The following SLC12A6 variants were observed in gnomAD, a reference collection of about 807,000 sequenced individuals.
SLC12A6 encodes the protein solute carrier family 12 member 6, also known as K-Cl cotransporter 3.
SLC12A6 carries 66 observed loss-of-function variants against 135.3 expected under a neutral mutation model. The ratio of observed to expected loss-of-function variants is 0.49; its 90% CI spans 0.40 to 0.60. The LOEUF (loss-of-function observed/expected upper bound fraction) is 0.60. Among genes scored for constraint, SLC12A6 ranks in the 20% least tolerant of loss-of-function variants. SLC12A6 has a pLI of 0.00. For missense variants in SLC12A6, 1,058 were observed against 1,452.3 expected (o/e 0.73, Z 4.41); for synonymous variants, 513 against 508.8 (o/e 1.01, Z -0.11).
chr15:34,302,894 G>A (rs1896353420), intron 2 of SLC12A6, among the ~76,000 whole-genome samples: 1 of 145,200 alleles, frequency 6.9e-6, no homozygotes. Context: ...AGGCTGCAAT[G>A]AGCCATAATC....
chr15:34,302,808 G>A (rs1181672165), intron 2 of SLC12A6, among the ~76,000 whole-genome samples: 1 of 151,752 alleles, frequency 6.6e-6, no homozygotes, highest in Admixed American at 6.6e-5. Context: ...AAATTAGCCT[G>A]GCGTAGTAGT....
At chr15:34,299,228 G>T (rs981538046) in intron 2 of SLC12A6, among the ~76,000 whole-genome samples, 5 of 152,132 alleles carry the variant, frequency 3.3e-5, no homozygotes, top group African/African-American at 1.2e-4. Context: ...ATAGATTGTG[G>T]TTTACTTATT....
At chr15:34,240,342 C>A (rs1289545729) in intron 19 of SLC12A6, among the ~76,000 whole-genome samples, 1 of 152,056 alleles carries the variant, frequency 6.6e-6, no homozygotes, top group East Asian at 1.9e-4. Flanking sequence ...TTGAGAGGAA[C>A]CCTCTCCATA....
rs529615650 is a variant in SLC12A6 at position 34,337,179 on chromosome 15, G to C, written c.-73+153C>G. ...ATAGCGTGGATCAGATTGCTAAAAGGTGTACACCCGGCCACCTGTTGTGTA... is the reference window on the plus strand; with the variant it reads ...ATAGCGTGGATCAGATTGCTAAAAGCTGTACACCCGGCCACCTGTTGTGTA... On this transcript the variant is annotated intron_variant, in intron 1 of 25. Coordinates refer to ENST00000354181, the MANE Select transcript of SLC12A6 (RefSeq NM_001365088.1). The C allele has an allele frequency of 5.4e-5, 12 of 220,508 alleles. No individual in the cohort carries two copies. In the South Asian group the frequency reaches 6.8e-4, roughly 12 times the overall value. 13.7% of individuals were successfully genotyped at this position (220,508 alleles called of 1,614,324 possible). A position where few individuals can be genotyped will look rare whatever the true frequency, so the allele number is the denominator to read the frequency against.
intron 2 of SLC12A6, among the ~76,000 whole-genome samples, chr15:34,279,831 G>A (rs745676517): frequency 6.6e-5 from 10 of 152,138 alleles, no homozygotes; most frequent in Non-Finnish European, 8.8e-5. Context: ...ATAAAAAATA[G>A]AAACAAACTA....
intron 3 of SLC12A6, among the ~76,000 whole-genome samples, chr15:34,268,294 C>CT (rs201336644): frequency 4.5e-4 from 69 of 152,254 alleles, no homozygotes; most frequent in African/African-American, 1.6e-3. Context: ...TGCTTGCTTA[C>CT]TTTTTTTAGA....
At chr15:34,247,684 C>G (rs1054627109) in intron 13 of SLC12A6, among the ~76,000 whole-genome samples, 1 of 151,446 alleles carries the variant, frequency 6.6e-6, no homozygotes, top group Non-Finnish European at 1.5e-5. Context: ...CTCATTAGTC[C>G]TTTCTTCCTC....
intron 9 of SLC12A6, among the ~76,000 whole-genome samples, chr15:34,253,637 G>C (rs1195473777): frequency 6.6e-6 from 1 of 152,084 alleles, no homozygotes; most frequent in Non-Finnish European, 1.5e-5. Context: ...CTTTTTTTCT[G>C]TAATCTGGTT....
intron 2 of SLC12A6, among the ~76,000 whole-genome samples, chr15:34,308,770 C>T (rs751773694): frequency 2.6e-5 from 4 of 151,158 alleles, no homozygotes; most frequent in Non-Finnish European, 4.4e-5. Context: ...CAAAACAAAA[C>T]GGTAGAAGAA....
At chr15:34,236,432 G>A (rs145515019) in intron 23 of SLC12A6, among the ~76,000 whole-genome samples, 124 of 151,960 alleles carry the variant, frequency 8.2e-4, no homozygotes, top group African/African-American at 2.9e-3. Flanking sequence ...TGCAACCTCC[G>A]CCTCCTGGGT....
intron 24 of SLC12A6, 81 bp from the exon 25 acceptor site, chr15:34,235,395 G>A: frequency 9.0e-7 from 1 of 1,115,400 alleles, no homozygotes; most frequent in Non-Finnish European, 1.4e-6. Flanking sequence ...GAGATCCTGA[G>A]CTTTTTCACT....
chr15:34,266,185 A>C (rs1353657681), intron 3 of SLC12A6, among the ~76,000 whole-genome samples: 2 of 152,098 alleles, frequency 1.3e-5, no homozygotes, highest in Non-Finnish European at 2.9e-5. Context: ...ACTATTTATA[A>C]GAGATATAAG....
chr15:34,255,624 A>G (rs1466304055), intron 7 of SLC12A6, among the ~76,000 whole-genome samples: 1 of 152,184 alleles, frequency 6.6e-6, no homozygotes, highest in Non-Finnish European at 1.5e-5. Context: ...GTTTGCCAGC[A>G]TTTACTTAGA....
chr15:34,321,973 A>G (rs993810042), intron 2 of SLC12A6, among the ~76,000 whole-genome samples: 1 of 152,252 alleles, frequency 6.6e-6, no homozygotes, highest in Non-Finnish European at 1.5e-5. Context: ...GGAAATACAG[A>G]TTAACTGGGA....
At chr15:34,291,894 T>C (rs1264588230) in intron 2 of SLC12A6, among the ~76,000 whole-genome samples, 1 of 152,144 alleles carries the variant, frequency 6.6e-6, no homozygotes, top group Non-Finnish European at 1.5e-5. Context: ...CTACCTTTTT[T>C]CAAAGATTTT....
At chr15:34,288,220 A>G (rs952243449) in intron 2 of SLC12A6, among the ~76,000 whole-genome samples, 1 of 152,128 alleles carries the variant, frequency 6.6e-6, no homozygotes, top group African/African-American at 2.4e-5. Flanking sequence ...AACACCATGT[A>G]TATGTTTGTG....
intron 2 of SLC12A6, among the ~76,000 whole-genome samples, chr15:34,302,502 C>T (rs1297336787): frequency 6.6e-6 from 1 of 151,974 alleles, no homozygotes; most frequent in African/African-American, 2.4e-5. Context: ...TTGAGACCAG[C>T]CTGTCCAACA....
Position 34,243,038 on chromosome 15 carries a change from C to T in SLC12A6, c.2043-817G>A, listed in dbSNP as rs988580744. Among the ~76,000 whole-genome samples the T allele has an allele frequency of 4.6e-5, 7 of 152,112 alleles. No homozygotes were observed. The South Asian group carries it at 8.3e-4, about 18-fold the overall frequency. On this transcript the variant is annotated intron_variant, in intron 16 of 25. Transcript: ENST00000354181. ...CCTCCTGAGTAGCTGGGATTACAGG[C>T]ATGTGCCACCATGCCCGGCTACTTT...
chr15:34,288,900 T>C (rs942159909), intron 2 of SLC12A6, among the ~76,000 whole-genome samples: 2 of 152,196 alleles, frequency 1.3e-5, no homozygotes, highest in Non-Finnish European at 2.9e-5. Flanking sequence ...ACGATGGGGT[T>C]TTCTAAATAC....
Sources: gnomAD v4.1 joint callset for allele counts (sites outside exome capture counted in the v4.1 genomes callset) on GRCh38, gnomAD v4.1.1 for gene constraint, MANE v1.5 for transcripts, NCBI Gene and HGNC (gene_info 2026-07-23, HGNC 2026-07-21) for gene names.